Variants in CEP112 observed in about 807,000 individuals in gnomAD.
The protein encoded by CEP112 is centrosomal protein 112, also known as centrosomal protein of 112 kDa.
CEP112 carries 127 observed loss-of-function variants against 153.0 expected under a neutral mutation model. That is an observed-to-expected ratio of 0.83 (90% confidence interval 0.72 to 0.96). CEP112 has a LOEUF of 0.96. CEP112 is among the 40% of genes least tolerant of loss of function. The probability of loss-of-function intolerance (pLI) is 0.00; values close to 1 mark genes in which losing one functional copy is unlikely to be tolerated. For missense variants in CEP112, 1,089 were observed against 1,101.2 expected (o/e 0.99, Z 0.16); for synonymous variants, 358 against 374.4 (o/e 0.96, Z 0.51).
intron 23 of CEP112, among the ~76,000 whole-genome samples, chr17:65,698,788 C>T (rs1157790000): frequency 3.3e-5 from 5 of 152,104 alleles, no homozygotes; most frequent in Non-Finnish European, 5.9e-5. Flanking sequence ...GAGGAATTTC[C>T]TCGTCTGGCC....
At chr17:65,835,985 T>C (rs1196823111) in intron 21 of CEP112, among the ~76,000 whole-genome samples, 3 of 152,234 alleles carry the variant, frequency 2.0e-5, no homozygotes, top group Non-Finnish European at 4.4e-5. Context: ...AAGGGGATGC[T>C]GTTAAAGTGC....
At chr17:66,133,133 T>C (rs760050054) in intron 4 of CEP112, among the ~76,000 whole-genome samples, 1 of 152,160 alleles carries the variant, frequency 6.6e-6, no homozygotes, top group Non-Finnish European at 1.5e-5. Context: ...TTTTTATTTA[T>C]ATTTCATTTC....
At chr17:66,185,828 A>C (rs1046817397) in intron 1 of CEP112, among the ~76,000 whole-genome samples, 1 of 152,180 alleles carries the variant, frequency 6.6e-6, no homozygotes. Flanking sequence ...CTTGCTCCAC[A>C]AACTGCCCTC....
intron 20 of CEP112, among the ~76,000 whole-genome samples, chr17:65,882,349 T>C (rs560568094): frequency 2.0e-5 from 3 of 152,256 alleles, no homozygotes; most frequent in African/African-American, 7.2e-5. Context: ...CTTCAACAGC[T>C]AGCAATGTGC....
intron 6 of CEP112, among the ~76,000 whole-genome samples, chr17:66,115,532 T>C (rs190011589): frequency 2.6e-5 from 4 of 152,320 alleles, no homozygotes; most frequent in Admixed American, 1.3e-4. Context: ...GTCTTAAAGT[T>C]TGAAACTTGC....
At chr17:65,951,750 C>CCCCCCG (rs1156897591) in intron 18 of CEP112, among the ~76,000 whole-genome samples, 6 of 64,966 alleles carry the variant, frequency 9.2e-5, no homozygotes, top group Non-Finnish European at 1.7e-4. Flanking sequence ...CCCGCCCCCC[C>CCCCCCG]CTTTCTTCCA....
At chr17:66,055,057 C>G (rs1167162430) in intron 11 of CEP112, among the ~76,000 whole-genome samples, 1 of 152,004 alleles carries the variant, frequency 6.6e-6, no homozygotes, top group Non-Finnish European at 1.5e-5. Context: ...CGTGCCTGGC[C>G]CCAAATAATA....
At chr17:66,187,287 CCT>C (rs1442636671) in intron 1 of CEP112, among the ~76,000 whole-genome samples, 1 of 151,110 alleles carries the variant, frequency 6.6e-6, no homozygotes, top group Non-Finnish European at 1.5e-5. Context: ...AAAAATCTCC[CCT>C]CATTCTAGCA....
intron 23 of CEP112, among the ~76,000 whole-genome samples, chr17:65,740,240 A>T (rs920168606): frequency 6.6e-6 from 1 of 152,200 alleles, no homozygotes; most frequent in Non-Finnish European, 1.5e-5. Context: ...AAAAATATAG[A>T]AAGGATATAG....
At chr17:65,971,418 ATG>A (rs2062796092) in intron 17 of CEP112, among the ~76,000 whole-genome samples, 2 of 152,150 alleles carry the variant, frequency 1.3e-5, no homozygotes, top group Admixed American at 6.5e-5. Flanking sequence ...CCCATGCAGC[ATG>A]CTGCATGCAT....
intron 21 of CEP112, among the ~76,000 whole-genome samples, chr17:65,777,034 T>C (rs1282751461): frequency 6.6e-6 from 1 of 152,194 alleles, no homozygotes; most frequent in African/African-American, 2.4e-5. Flanking sequence ...GCATCTGCTG[T>C]CCAGAATAAA....
chr17:65,971,688 G>A (rs1474309758), intron 17 of CEP112, among the ~76,000 whole-genome samples: 2 of 152,128 alleles, frequency 1.3e-5, no homozygotes, highest in African/African-American at 4.8e-5. Flanking sequence ...TATTACATGC[G>A]TGTATATTAC....
chr17:65,935,524 A>C lies in CEP112; in HGVS notation c.1873-7835T>G, dbSNP rs571742021. ...CTGCAGAACTATGTTAGGCTACAAA[A>C]CAAGTCTTAACAAATTTAAGAGGAT... On this transcript the variant is annotated intron_variant, in intron 18 of 26. Coordinates refer to ENST00000535342, the MANE Select transcript of CEP112 (RefSeq NM_001199165.4). Among the ~76,000 whole-genome samples, 3 of 152,326 alleles carry C rather than the reference A, an allele frequency of 2.0e-5. No individual in the cohort carries two copies. The South Asian group carries it at 6.2e-4, about 32-fold the overall frequency.
intron 21 of CEP112, among the ~76,000 whole-genome samples, chr17:65,759,452 G>A (rs564853608): frequency 2.6e-5 from 4 of 152,116 alleles, no homozygotes; most frequent in South Asian, 2.1e-4. Context: ...GTAAAACTCC[G>A]CACCATCCTA....
chr17:66,050,635 G>C (rs2066400387), intron 12 of CEP112, among the ~76,000 whole-genome samples: 1 of 152,064 alleles, frequency 6.6e-6, no homozygotes, highest in South Asian at 2.1e-4. Context: ...AAAACCCCTT[G>C]TACCTAACAC....
intron 20 of CEP112, among the ~76,000 whole-genome samples, chr17:65,882,025 A>T (rs1384959200): frequency 1.3e-5 from 2 of 152,214 alleles, no homozygotes; most frequent in Admixed American, 1.3e-4. Context: ...GGTAGCCTCC[A>T]CAGGGAGAAA....
chr17:66,019,021 G>A lies in CEP112; in HGVS notation c.1656+8480C>T, dbSNP rs187882956. Reference sequence around the variant, plus strand: ...GACAATTCATCAACAATGACATTTCGGTTTACTACTTATTATTTGTTTGAT... The same window carrying A: ...GACAATTCATCAACAATGACATTTCAGTTTACTACTTATTATTTGTTTGAT... On this transcript the variant is annotated intron_variant, in intron 16 of 26. Coordinates refer to ENST00000535342, the MANE Select transcript of CEP112 (RefSeq NM_001199165.4). Among the ~76,000 whole-genome samples the A allele has an allele frequency of 2.6e-4, 40 of 152,158 alleles. No homozygotes were observed. The East Asian group carries it at 6.0e-3, about 23-fold the overall frequency.
In CEP112 at chr17:65,937,828, G is replaced by A. The variant is rs1318356842; in HGVS notation, c.1873-10139C>T. On this transcript the variant is annotated intron_variant, in intron 18 of 26. Coordinates refer to ENST00000535342, the MANE Select transcript of CEP112 (RefSeq NM_001199165.4). Reference sequence around the variant, plus strand: ...AGCCCCCCGCCCGGCCAGCCGCCCCGTCCGGGAGGTGAGGGGCGCCTCTGC... The same window carrying A: ...AGCCCCCCGCCCGGCCAGCCGCCCCATCCGGGAGGTGAGGGGCGCCTCTGC... Among the ~76,000 whole-genome samples the A allele has an allele frequency of 8.4e-5, 9 of 106,732 alleles. 1 individual carries two copies. Among genetic ancestry groups the A allele is most frequent in the Non-Finnish European group, 1.2e-4 (6 of 51,312 alleles). The allele number at this position is 106,732 out of a possible 152,430, so 70.0% of individuals were successfully genotyped here. A position where few individuals can be genotyped will look rare whatever the true frequency, so the allele number is the denominator to read the frequency against.
At chr17:65,814,898 CT>C (rs2056182344) in intron 21 of CEP112, among the ~76,000 whole-genome samples, 2 of 152,164 alleles carry the variant, frequency 1.3e-5, no homozygotes, top group South Asian at 4.1e-4. Flanking sequence ...ATGTTTTCTT[CT>C]TATTGAGTTC....
Sources: gnomAD v4.1 joint callset for allele counts (sites outside exome capture counted in the v4.1 genomes callset) on GRCh38, gnomAD v4.1.1 for gene constraint, MANE v1.5 for transcripts, NCBI Gene and HGNC (gene_info 2026-07-23, HGNC 2026-07-21) for gene names.